Variants in BSCL2 observed in about 807,000 individuals in gnomAD.
The protein encoded by BSCL2 is seipin.
In BSCL2, 41 loss-of-function variants were observed where a neutral mutation model predicts 57.4. The observed-to-expected ratio is 0.71, with a 90% CI of 0.56 to 0.93. The LOEUF (loss-of-function observed/expected upper bound fraction) is 0.93, where lower values mean the gene tolerates loss of function less well. BSCL2 is among the 40% of genes least tolerant of loss of function. The pLI, the probability that BSCL2 is intolerant of heterozygous loss-of-function variation, is 0.00. For missense variants in BSCL2, 539 were observed against 586.7 expected, an observed-to-expected ratio of 0.92 and a Z score of 0.84; for synonymous variants, 237 against 227.3, an observed-to-expected ratio of 1.04 and a Z score of -0.38.
chr11:62,705,006 G>A (rs1945776540), intron 2 of BSCL2, among the ~76,000 whole-genome samples: 1 of 151,910 alleles, frequency 6.6e-6, no homozygotes, highest in South Asian at 2.1e-4. Context: ...ATTCTACATT[G>A]GCCCTGAGAG....
intron 2 of BSCL2, among the ~76,000 whole-genome samples, chr11:62,704,476 G>C (rs1454732749): frequency 1.3e-5 from 2 of 152,118 alleles, no homozygotes; most frequent in Admixed American, 1.3e-4. Flanking sequence ...AGCCCAGGAG[G>C]CGGAGCTTGC....
intron 3 of BSCL2, among the ~76,000 whole-genome samples, chr11:62,699,978 G>T (rs569296201): frequency 6.6e-6 from 1 of 151,074 alleles, no homozygotes; most frequent in Admixed American, 6.6e-5. Flanking sequence ...CACCACACCC[G>T]GTTATAATCC....
At chr11:62,691,482 A>G in intron 6 of BSCL2, 61 bp from the exon 7 acceptor site, 2 of 1,577,210 alleles carry the variant, frequency 1.3e-6, no homozygotes, top group African/African-American at 1.3e-5. Flanking sequence ...CAGCCTTCTC[A>G]TGTCCCAGAA....
intron 8 of BSCL2, 40 bp from the exon 9 acceptor site, chr11:62,690,907 G>A: frequency 6.2e-7 from 1 of 1,608,804 alleles, no homozygotes; most frequent in Non-Finnish European, 8.5e-7. Flanking sequence ...TAGGGTTAGG[G>A]TGGCTGTGCC....
At chr11:62,698,690 C>T (rs1023223598) in intron 3 of BSCL2, among the ~76,000 whole-genome samples, 6 of 152,124 alleles carry the variant, frequency 3.9e-5, no homozygotes, top group Non-Finnish European at 8.8e-5. Flanking sequence ...AAATGTTCAA[C>T]CTCTTCTAAT....
At position 62,704,195 on chromosome 11, in the gene BSCL2, C is replaced by G. The variant is rs543399837; in HGVS notation, c.404+1106G>C. ...GGCACAGTGGCTCACGTCTGTAATC[C>G]CAGCACTTTGGGAGGCCAAGGCGGA... On this transcript the variant is annotated intron_variant, in intron 2 of 10. Transcript: ENST00000360796. Among the ~76,000 whole-genome samples, 16 of 151,404 alleles carry G rather than the reference C, an allele frequency of 1.1e-4. No homozygotes were observed. The South Asian group carries it at 3.3e-3, about 32-fold the overall frequency.
At chr11:62,709,354 A>T (rs1157248924), upstream of BSCL2, 16 of 454,002 alleles carry the variant, frequency 3.5e-5, no homozygotes, top group African/African-American at 3.2e-4. Flanking sequence ...GAGAGCGTCC[A>T]CAGTGTAAGA....
chr11:62,705,026 C>G (rs1306667033), intron 2 of BSCL2, among the ~76,000 whole-genome samples: 1 of 151,654 alleles, frequency 6.6e-6, no homozygotes, highest in Non-Finnish European at 1.5e-5. Flanking sequence ...GAGGGGTGAT[C>G]CAACCAAAAT....
chr11:62,698,254 A>G (rs1419325528), intron 3 of BSCL2, among the ~76,000 whole-genome samples: 1 of 150,374 alleles, frequency 6.7e-6, no homozygotes, highest in African/African-American at 2.5e-5. Flanking sequence ...GCTGGAGTAC[A>G]GTGGCATGAT....
intron 3 of BSCL2, among the ~76,000 whole-genome samples, chr11:62,696,691 G>C (rs1219266615): frequency 6.6e-6 from 1 of 151,966 alleles, no homozygotes; most frequent in Admixed American, 6.6e-5. Context: ...CTGAGTAGCT[G>C]GAACTACAGG....
intron 2 of BSCL2, 58 bp downstream of exon 2, chr11:62,705,243 T>G (rs1590884881): frequency 6.7e-7 from 1 of 1,499,208 alleles, no homozygotes; most frequent in Non-Finnish European, 9.1e-7. Context: ...CTGAATGAAC[T>G]CCAAGGGCCT....
At chr11:62,709,115 G>A (rs891170111), upstream of BSCL2, 3 of 479,976 alleles carry the variant, frequency 6.3e-6, no homozygotes, top group African/African-American at 3.9e-5. Flanking sequence ...ACAATGGAGA[G>A]GGATGGGCCA....
chr11:62,700,973 T>A (rs770888794), intron 3 of BSCL2, among the ~76,000 whole-genome samples: 7 of 150,832 alleles, frequency 4.6e-5, no homozygotes, highest in Non-Finnish European at 1.0e-4. Context: ...AAAGAACGTA[T>A]CCTTTATGAG....
At chr11:62,708,659 C>G, upstream of BSCL2, 2 of 1,613,294 alleles carry the variant, frequency 1.2e-6, no homozygotes, top group Non-Finnish European at 1.7e-6. Flanking sequence ...TAACAATACC[C>G]TTCCTGGCTG....
chr11:62,706,959 G>C (rs1417168788), intron 1 of BSCL2, 150 bp downstream of exon 1: 1 of 703,858 alleles, frequency 1.4e-6, no homozygotes, highest in East Asian at 2.7e-5. Context: ...GGCCAGTGTT[G>C]TGTACATCTT....
chr11:62,692,943 A>T, intron 4 of BSCL2, 146 bp from the exon 5 acceptor site: 1 of 990,092 alleles, frequency 1.0e-6, no homozygotes, highest in Non-Finnish European at 1.5e-6. Context: ...CCTACCCCTC[A>T]GTCTCATCCA....
chr11:62,705,079 T>G (rs1590884786), intron 2 of BSCL2, among the ~76,000 whole-genome samples: 1 of 150,980 alleles, frequency 6.6e-6, no homozygotes, highest in East Asian at 1.9e-4. Context: ...TTTTTCCTTT[T>G]TTTTTTTTTT....
At chr11:62,704,859 G>A (rs1945771229) in intron 2 of BSCL2, among the ~76,000 whole-genome samples, 2 of 152,158 alleles carry the variant, frequency 1.3e-5, no homozygotes, top group African/African-American at 4.8e-5. Context: ...CTCATCTTAT[G>A]TTTCCATAAT....
intron 2 of BSCL2, among the ~76,000 whole-genome samples, chr11:62,704,448 AGGCAGGAGAAT>A (rs1945752765): frequency 6.6e-6 from 1 of 150,668 alleles, no homozygotes. Flanking sequence ...CAGGAGGCTG[AGGCAGGAGAAT>A]GGCGTGAGCC....
Sources: allele counts gnomAD v4.1 joint callset (sites outside exome capture counted in the v4.1 genomes callset), GRCh38; gene constraint gnomAD v4.1.1; transcripts MANE v1.5; gene names NCBI Gene and HGNC (gene_info 2026-07-23, HGNC 2026-07-21).